Variants in PAPOLA observed in about 807,000 individuals in gnomAD.
PAPOLA encodes the protein poly(A) polymerase alpha.
A neutral mutation model predicts 100.6 loss-of-function variants in PAPOLA; 15 were observed. That is an observed-to-expected ratio of 0.15 (90% CI 0.10 to 0.23). The LOEUF (loss-of-function observed/expected upper bound fraction) is 0.23. Among genes scored for constraint, PAPOLA ranks in the 10% least tolerant of loss-of-function variants. PAPOLA has a pLI of 1.00. For synonymous variants in PAPOLA, 293 were observed against 300.0 expected (o/e 0.98, Z 0.24); for missense variants, 533 against 884.2 (o/e 0.60, Z 5.04).
chr14:96,541,078 A>G (rs965803408), intron 12 of PAPOLA, among the ~76,000 whole-genome samples: 4 of 152,044 alleles, frequency 2.6e-5, no homozygotes, highest in South Asian at 2.1e-4. Flanking sequence ...TTTAGTAGAG[A>G]CGGAGTTTCA....
intron 1 of PAPOLA, among the ~76,000 whole-genome samples, chr14:96,507,555 G>A (rs573788037): frequency 1.2e-3 from 186 of 152,200 alleles, no homozygotes; most frequent in Admixed American, 4.1e-3. Context: ...GATTACAGGC[G>A]TGAGCCACCG....
intron 1 of PAPOLA, among the ~76,000 whole-genome samples, chr14:96,512,961 C>T (rs533829790): frequency 6.6e-6 from 1 of 152,356 alleles, no homozygotes; most frequent in Admixed American, 6.5e-5. Context: ...TCATTTCAAG[C>T]TTATTTCTGT....
chr14:96,518,306 C>G (rs952830925), intron 1 of PAPOLA, among the ~76,000 whole-genome samples: 1 of 152,182 alleles, frequency 6.6e-6, no homozygotes, highest in Non-Finnish European at 1.5e-5. Context: ...AATTACAGAA[C>G]AGTCTAGCCG....
chr14:96,560,414 T>G, intron 19 of PAPOLA: 1 of 391,580 alleles, frequency 2.6e-6, no homozygotes, highest in Non-Finnish European at 4.5e-6. Flanking sequence ...GTACTTTAGG[T>G]GGTGATCTGC....
At chr14:96,542,328 C>A (rs757853742) in intron 13 of PAPOLA, 32 bp downstream of exon 13, 14 of 1,394,318 alleles carry the variant, frequency 1.0e-5, no homozygotes, top group Non-Finnish European at 1.4e-5. Context: ...ACAGAAAAAG[C>A]AAACTTCAAA....
At chr14:96,563,274 T>C (rs1044512910) in intron 21 of PAPOLA, among the ~76,000 whole-genome samples, 1 of 152,214 alleles carries the variant, frequency 6.6e-6, no homozygotes, top group African/African-American at 2.4e-5. Flanking sequence ...AATATATTTT[T>C]ATTTTAAAAA....
rs924222586 is a variant in PAPOLA at position 96,517,718 on chromosome 14, T to C, written c.9-2337T>C. The stretch of plus-strand genomic sequence containing the variant: ...AAATGCTTTTTTTTTTTTTTTTTTT[T>C]CCTGAGATGGAGTTTTGCTCTGTTG... On this transcript the variant is annotated intron_variant, in intron 1 of 21. Coordinates refer to ENST00000216277, the MANE Select transcript of PAPOLA (RefSeq NM_032632.5). Among the ~76,000 whole-genome samples the C allele has an allele frequency of 8.4e-4, 126 of 150,528 alleles. 1 individual carries two copies. Among genetic ancestry groups the C allele is most frequent in the South Asian group, 1.5e-3 (7 of 4,722 alleles).
At chr14:96,532,691 A>G in intron 9 of PAPOLA, 42 bp downstream of exon 9, 2 of 1,526,472 alleles carry the variant, frequency 1.3e-6, no homozygotes, top group Non-Finnish European at 1.7e-6. Flanking sequence ...GATTGTAGAC[A>G]CTGAAGTTTA....
intron 1 of PAPOLA, among the ~76,000 whole-genome samples, chr14:96,507,105 T>C (rs1477194193): frequency 3.3e-5 from 5 of 152,076 alleles, no homozygotes; most frequent in Non-Finnish European, 7.4e-5. Context: ...ACAGTTATAA[T>C]GTTGGTTTGA....
chr14:96,536,883 A>G, intron 11 of PAPOLA, 93 bp from the exon 12 acceptor site: 1 of 730,530 alleles, frequency 1.4e-6, no homozygotes, highest in Non-Finnish European at 2.4e-6. Flanking sequence ...TGGTTTTAGG[A>G]TTATAGTGAG....
In PAPOLA at chr14:96,556,490, T is replaced by C. The variant is rs180892407; in HGVS notation, c.2004+77T>C. On this transcript the variant is annotated intron_variant, in intron 19 of 21. Transcript: ENST00000216277. Reference sequence around the variant, plus strand: ...TTTTAAATCCAGTGGAAGAAAAGTTTATGAACCAAAATAGAGAAGGATCAA... The same window carrying C: ...TTTTAAATCCAGTGGAAGAAAAGTTCATGAACCAAAATAGAGAAGGATCAA... 1.0e-3 allele frequency: 984 copies of C among 977,816 alleles called. 7 individuals carry two copies. The African/African-American group carries it at 0.014, about 14-fold the overall frequency. The allele number at this position is 977,816 out of a possible 1,614,324, so 60.6% of individuals were successfully genotyped here.
chr14:96,519,921 A>G (rs527260547), intron 1 of PAPOLA, 134 bp from the exon 2 acceptor site: 7 of 662,624 alleles, frequency 1.1e-5, no homozygotes, highest in South Asian at 5.6e-5. Flanking sequence ...CTTTTTGTCA[A>G]AAATTTTGGG....
chr14:96,527,583 CATTT>C (rs748920970), intron 5 of PAPOLA, 44 bp downstream of exon 5: 6 of 1,027,904 alleles, frequency 5.8e-6, no homozygotes, highest in East Asian at 2.4e-5. Flanking sequence ...TATGAACATT[CATTT>C]AGTCAGTTGA....
chr14:96,528,561 C>T (rs1595523148), intron 6 of PAPOLA, among the ~76,000 whole-genome samples: 1 of 152,104 alleles, frequency 6.6e-6, no homozygotes, highest in Non-Finnish European at 1.5e-5. Context: ...TGGAAAGTCA[C>T]AGATAATAAA....
chr14:96,527,375 C>A (rs946179619), intron 4 of PAPOLA, 55 bp from the exon 5 acceptor site: 118 of 1,046,674 alleles, frequency 1.1e-4, no homozygotes, highest in Non-Finnish European at 1.6e-4. Context: ...TGATAGGATG[C>A]AAAATAATTT....
At chr14:96,527,334 T>G in intron 4 of PAPOLA, 96 bp from the exon 5 acceptor site, 1 of 735,950 alleles carries the variant, frequency 1.4e-6, no homozygotes, top group South Asian at 1.7e-5. Context: ...CACCAGTATG[T>G]TAAACAGATT....
At chr14:96,522,477 C>A (rs1444720637) in intron 3 of PAPOLA, among the ~76,000 whole-genome samples, 1 of 151,592 alleles carries the variant, frequency 6.6e-6, no homozygotes, top group Non-Finnish European at 1.5e-5. Flanking sequence ...GTGGCATGAT[C>A]TTAGCTAACT....
chr14:96,509,249 C>G (rs113718286), intron 1 of PAPOLA, among the ~76,000 whole-genome samples: 2,543 of 152,254 alleles, frequency 0.017, 72 homozygotes, highest in African/African-American at 0.058. Context: ...CCAGGCTGCT[C>G]TCAAACTCCC....
At chr14:96,505,963 G>A (rs1433423012) in intron 1 of PAPOLA, among the ~76,000 whole-genome samples, 2 of 152,050 alleles carry the variant, frequency 1.3e-5, no homozygotes, top group African/African-American at 4.8e-5. Flanking sequence ...GAATGCAGTG[G>A]AGCGATCTCG....
Sources: allele counts gnomAD v4.1 joint callset (sites outside exome capture counted in the v4.1 genomes callset), GRCh38; gene constraint gnomAD v4.1.1; transcripts MANE v1.5; gene names NCBI Gene and HGNC (gene_info 2026-07-23, HGNC 2026-07-21).